DGKH: variants seen among roughly 807,000 people sequenced by gnomAD.
DGKH encodes DAG kinase eta.
A neutral mutation model predicts 159.3 loss-of-function variants in DGKH; 90 were observed. The ratio of observed to expected loss-of-function variants is 0.57; its 90% CI spans 0.48 to 0.67. The LOEUF (loss-of-function observed/expected upper bound fraction) is 0.67. DGKH is among the 30% of genes least tolerant of loss of function. The pLI, the probability that DGKH is intolerant of heterozygous loss-of-function variation, is 0.00. For synonymous variants in DGKH, 536 were observed against 553.8 expected, an observed-to-expected ratio of 0.97 and a Z score of 0.45; for missense variants, 1,181 against 1,506.1, an observed-to-expected ratio of 0.78 and a Z score of 3.57.
intron 3 of DGKH, among the ~76,000 whole-genome samples, chr13:42,152,518 A>G (rs926185933): frequency 1.3e-5 from 2 of 149,722 alleles, no homozygotes; most frequent in African/African-American, 4.9e-5. Flanking sequence ...TATATTATAT[A>G]TATATATAAA....
At position 42,235,240 on chromosome 13, in the gene DGKH, A is replaced by G. The variant is rs1958390028; in HGVS notation, c.*6052A>G. On this transcript the variant is annotated 3_prime_UTR_variant, in exon 30 of 30. Transcript: ENST00000337343. Reference sequence around the variant, plus strand: ...GTAACTAAGATACTCTATTTACATTATTTATATACTCTCTTAGTTTTTTAT... The same window carrying G: ...GTAACTAAGATACTCTATTTACATTGTTTATATACTCTCTTAGTTTTTTAT... The G allele has an allele frequency of 6.6e-6, 1 of 152,190 alleles. No individual in the cohort carries two copies. The highest frequency in any genetic ancestry group is 2.4e-5 in the African/African-American group (1 of 41,464). 9.4% of individuals were successfully genotyped at this position (152,190 alleles called of 1,614,324 possible).
chr13:42,075,660 T>A (rs1230859102), intron 1 of DGKH, among the ~76,000 whole-genome samples: 1 of 152,208 alleles, frequency 6.6e-6, no homozygotes, highest in Non-Finnish European at 1.5e-5. Context: ...AACTGAAACT[T>A]AAGAAAGGTG....
chr13:42,198,616 A>C, intron 18 of DGKH, 21 bp downstream of exon 18: 1 of 1,581,974 alleles, frequency 6.3e-7, no homozygotes, highest in African/African-American at 1.4e-5. Flanking sequence ...GCTTTTGCAA[A>C]TATTTTGTTT....
At chr13:42,225,221 C>A in intron 29 of DGKH, 1 of 1,505,776 alleles carries the variant, frequency 6.6e-7, no homozygotes, top group Non-Finnish European at 9.0e-7. Context: ...CCATGCCCAG[C>A]CAGGAAAGTA....
chr13:42,092,990 C>G (rs948695184), intron 1 of DGKH, among the ~76,000 whole-genome samples: 4 of 152,062 alleles, frequency 2.6e-5, no homozygotes. Context: ...CACCTAAAAT[C>G]CCAGCACTTT....
At chr13:42,212,124 A>C (rs1173705548) in intron 24 of DGKH, among the ~76,000 whole-genome samples, 1 of 152,136 alleles carries the variant, frequency 6.6e-6, no homozygotes, top group Non-Finnish European at 1.5e-5. Flanking sequence ...AAGGAAAGCA[A>C]AGCTCAGTGG....
intron 29 of DGKH, among the ~76,000 whole-genome samples, chr13:42,249,721 A>T (rs1053205588): frequency 3.3e-5 from 5 of 152,232 alleles, no homozygotes; most frequent in African/African-American, 7.2e-5. Flanking sequence ...CACAGTATTA[A>T]TTTTTAAAAC....
intron 13 of DGKH, among the ~76,000 whole-genome samples, chr13:42,183,080 G>C (rs1017632918): frequency 6.6e-6 from 1 of 152,076 alleles, no homozygotes; most frequent in South Asian, 2.1e-4. Context: ...CTTGAGCCCA[G>C]GAGTTCAAGA....
intron 1 of DGKH, chr13:42,071,106 A>C: frequency 1.1e-6 from 1 of 908,380 alleles, no homozygotes; most frequent in Non-Finnish European, 1.6e-6. Context: ...TGAAACCCTT[A>C]TGATTGCCTT....
Position 42,048,822 on chromosome 13 carries a change from G to C in DGKH, c.49G>C (p.Ala17Pro). Residue 17 changes from alanine (A) to proline (P), a missense_variant, in exon 1 of 30, where the codon GCG becomes CCG. By Grantham distance (27) the Ala-to-Pro change is conservative. This residue lies in a region of DGKH where 136 missense variants were observed against 132.2 expected (regional missense o/e 1.03). Coordinates refer to ENST00000337343, the MANE Select transcript of DGKH (RefSeq NM_178009.5). This position sits in a 1 kb window ranked among gnomAD's most constrained non-coding sequence, Gnocchi z 6.7. ...QHHPPGAAGG[A>P]AAGAGAAVTS... is the part of the protein sequence containing the mutation. ...CCACCCTCCGGGCGCCGCTGGAGGA[G>C]CGGCCGCCGGAGCCGGCGCCGCGGT... The C allele has an allele frequency of 4.5e-6, 6 of 1,334,812 alleles. No individual in the cohort carries two copies. The highest frequency in any genetic ancestry group is 5.8e-6 in the Non-Finnish European group (6 of 1,039,836). 82.7% of individuals were successfully genotyped at this position (1,334,812 alleles called of 1,614,324 possible). A position where few individuals can be genotyped will look rare whatever the true frequency, so the allele number is the denominator to read the frequency against.
rs1455245634 is a variant in DGKH at position 42,199,670 on chromosome 13, A to G, written c.2390A>G (p.Lys797Arg). The G allele has an allele frequency of 3.2e-6, 5 of 1,587,036 alleles. No homozygotes were observed. In the South Asian group the frequency reaches 5.9e-5, roughly 19 times the overall value. The stretch of plus-strand genomic sequence containing the variant: ...AATAAAAGAGAGGAGCACCCTGAAA[A>G]ATGCAGGTAATTTTAGTAAAAGTAA... ...FNNKREEHPE[K>R]CRSRTKNLMW... Residue 797 changes from lysine (K) to arginine (R), a missense_variant, in exon 19 of 30, where the codon AAA (lysine) becomes AGA (arginine). Transcript: ENST00000337343.
chr13:42,074,236 T>G (rs556069027), intron 1 of DGKH, among the ~76,000 whole-genome samples: 1 of 152,358 alleles, frequency 6.6e-6, no homozygotes, highest in Admixed American at 6.5e-5. Flanking sequence ...GTAATGTGTT[T>G]TGTTTTAAAG....
intron 1 of DGKH, among the ~76,000 whole-genome samples, chr13:42,042,104 C>T (rs1265844985): frequency 6.6e-6 from 1 of 152,234 alleles, no homozygotes; most frequent in African/African-American, 2.4e-5. Flanking sequence ...TCTTTGCTTT[C>T]GTGAATTTGA....
chr13:42,107,229 C>G (rs1472616759), intron 1 of DGKH, among the ~76,000 whole-genome samples: 1 of 152,182 alleles, frequency 6.6e-6, no homozygotes, highest in African/African-American at 2.4e-5. Flanking sequence ...GAGGAAAGGT[C>G]CAGGGCGGGG....
intron 1 of DGKH, among the ~76,000 whole-genome samples, chr13:42,074,455 G>T (rs1883171069): frequency 2.0e-5 from 3 of 152,024 alleles, no homozygotes; most frequent in South Asian, 4.2e-4. Context: ...TTCAAATAAA[G>T]GAAATATTTG....
chr13:42,159,855 A>C (rs541893054), intron 6 of DGKH, among the ~76,000 whole-genome samples, 156 bp from the exon 7 acceptor site: 1 of 152,354 alleles, frequency 6.6e-6, no homozygotes, highest in South Asian at 2.1e-4. Flanking sequence ...TTGAACGTTC[A>C]TAATAGATGC....
At chr13:42,208,735 G>A (rs1254822561) in intron 21 of DGKH, among the ~76,000 whole-genome samples, 1 of 151,490 alleles carries the variant, frequency 6.6e-6, no homozygotes, top group African/African-American at 2.4e-5. Flanking sequence ...TTAATGAGAG[G>A]TATGAGTAGT....
chr13:42,135,834 CCTTT>C (rs1430719276), intron 3 of DGKH, among the ~76,000 whole-genome samples: 3 of 152,160 alleles, frequency 2.0e-5, no homozygotes, highest in African/African-American at 7.2e-5. Flanking sequence ...CAGACAGAGT[CCTTT>C]CTATCTGGGT....
intron 1 of DGKH, among the ~76,000 whole-genome samples, chr13:42,127,179 G>C (rs888624876): frequency 2.9e-4 from 44 of 152,110 alleles, no homozygotes; most frequent in Non-Finnish European, 7.3e-5. Context: ...ATATATACAA[G>C]GCAGTGTGCA....
Sources: allele counts gnomAD v4.1 joint callset (sites outside exome capture counted in the v4.1 genomes callset), GRCh38; gene constraint gnomAD v4.1.1; regional missense constraint gnomAD v4.1.1; non-coding constraint Gnocchi (gnomAD v3.1); transcripts MANE v1.5; gene names NCBI Gene and HGNC (gene_info 2026-07-23, HGNC 2026-07-21).